The following PDE1A variants were observed in gnomAD, a reference collection of about 807,000 sequenced individuals.
The protein encoded by PDE1A is dual specificity calcium/calmodulin-dependent 3',5'-cyclic nucleotide phosphodiesterase 1A.
Under a neutral mutation model 61.7 loss-of-function variants are expected in PDE1A, and 35 were observed. The observed-to-expected ratio is 0.57, with a 90% CI of 0.43 to 0.75. PDE1A has a LOEUF of 0.75. PDE1A is among the 30% of genes least tolerant of loss of function. The probability of loss-of-function intolerance (pLI) is 0.00; values close to 1 mark genes in which losing one functional copy is unlikely to be tolerated. For synonymous variants in PDE1A, 232 were observed against 213.2 expected (o/e 1.09, Z -0.77); for missense variants, 597 against 630.6 (o/e 0.95, Z 0.57).
At chr2:182,700,019 T>C in the PDE1A span, among the ~76,000 whole-genome samples, 2 of 152,158 alleles carry the variant, frequency 1.3e-5, no homozygotes, top group African/African-American at 4.8e-5. Flanking sequence ...TGGAAAAAAA[T>C]GGACAAGACC....
the PDE1A span, among the ~76,000 whole-genome samples, chr2:182,560,437 C>T: frequency 6.6e-6 from 1 of 151,286 alleles, no homozygotes; most frequent in African/African-American, 2.4e-5. Flanking sequence ...TGTATATGTG[C>T]CACATTTTCT....
chr2:182,703,286 C>T, the PDE1A span, among the ~76,000 whole-genome samples: 3 of 152,274 alleles, frequency 2.0e-5, no homozygotes, highest in Non-Finnish European at 2.9e-5. Context: ...CCAGAAGAAA[C>T]AGGCCTATCT....
chr2:182,211,844 T>A (rs1048128350), intron 7 of PDE1A, among the ~76,000 whole-genome samples: 3 of 152,204 alleles, frequency 2.0e-5, no homozygotes, highest in Admixed American at 6.5e-5. Flanking sequence ...TTTTGTGTAT[T>A]AACCTTGTAT....
Position 182,290,343 on chromosome 2 carries a change from T to A in PDE1A, c.54-25929A>T, listed in dbSNP as rs575435571. ...AAAATAAAATAAAATAAGATAAATGTTTAGTAATATCCAAATCTTTTGGTG... is the reference window on the plus strand; with the variant it reads ...AAAATAAAATAAAATAAGATAAATGATTAGTAATATCCAAATCTTTTGGTG... On this transcript the variant is annotated intron_variant, in intron 1 of 13. Transcript: ENST00000351439. Among the ~76,000 whole-genome samples, 28 of 152,260 alleles carry A rather than the reference T, an allele frequency of 1.8e-4. No homozygotes were observed. In the South Asian group the frequency reaches 4.6e-3, roughly 25 times the overall value.
chr2:182,420,743 CG>C lies in PDE1A; in HGVS notation c.53+5834del, dbSNP rs1703225135. ...GAACTAATGCTTCTACATAACAAAA[CG>C]TAAGACTTCAGTGCAGCTGGCTTGG... On this transcript the variant is annotated intron_variant, in intron 1 of 13. Coordinates refer to ENST00000351439, the Ensembl canonical transcript of PDE1A. 3.9e-5 allele frequency among the ~76,000 whole-genome samples: 6 copies of C among 152,230 alleles called. No individual in the cohort carries two copies. The South Asian group carries it at 1.2e-3, about 32-fold the overall frequency.
intron 2 of PDE1A, among the ~76,000 whole-genome samples, chr2:182,258,185 AAAAAAAG>A (rs1418434631): frequency 1.3e-5 from 2 of 152,048 alleles, no homozygotes; most frequent in East Asian, 1.9e-4. Flanking sequence ...AAAAGAAAAG[AAAAAAAG>A]AAAAAAGAAA....
At chr2:182,251,133 T>A (rs1355547571) in intron 2 of PDE1A, among the ~76,000 whole-genome samples, 1 of 152,190 alleles carries the variant, frequency 6.6e-6, no homozygotes, top group Non-Finnish European at 1.5e-5. Context: ...CTCCACTGAT[T>A]AACAAATTTT....
chr2:182,392,407 A>G (rs1037456322), intron 1 of PDE1A, among the ~76,000 whole-genome samples: 1 of 152,108 alleles, frequency 6.6e-6, no homozygotes, highest in Non-Finnish European at 1.5e-5. Context: ...CCCTCCCACA[A>G]CACTTGGGAA....
At chr2:182,547,016 C>T in the PDE1A span, among the ~76,000 whole-genome samples, 3 of 152,140 alleles carry the variant, frequency 2.0e-5, no homozygotes, top group Non-Finnish European at 4.4e-5. Context: ...AAGAGGCACT[C>T]GCAGCTAACT....
intron 1 of PDE1A, among the ~76,000 whole-genome samples, chr2:182,355,209 G>T (rs750110224): frequency 1.1e-3 from 174 of 151,902 alleles, no homozygotes; most frequent in Non-Finnish European, 2.1e-3. Context: ...TATATCAATT[G>T]CTGAATTATA....
chr2:182,635,791 T>C, the PDE1A span, among the ~76,000 whole-genome samples: 1 of 151,788 alleles, frequency 6.6e-6, no homozygotes, highest in Admixed American at 6.6e-5. Context: ...TTTATTGAGG[T>C]ATAATTAACA....
chr2:182,639,792 C>T, the PDE1A span, among the ~76,000 whole-genome samples: 1 of 150,880 alleles, frequency 6.6e-6, no homozygotes. Context: ...GAGAATAAAA[C>T]AAATACAATG....
At chr2:182,611,571 T>C in the PDE1A span, among the ~76,000 whole-genome samples, 2,352 of 152,286 alleles carry the variant, frequency 0.015, 41 homozygotes, top group Non-Finnish European at 0.027. Context: ...CATAGACTCT[T>C]AGGAAAGTAT....
At chr2:182,396,520 C>A (rs956279246) in intron 1 of PDE1A, among the ~76,000 whole-genome samples, 1 of 152,190 alleles carries the variant, frequency 6.6e-6, no homozygotes, top group Admixed American at 6.5e-5. Flanking sequence ...GAAATGAGAA[C>A]TGTAATTGTC....
the PDE1A span, among the ~76,000 whole-genome samples, chr2:182,608,855 G>T: frequency 3.9e-5 from 6 of 152,380 alleles, no homozygotes; most frequent in African/African-American, 1.4e-4. Flanking sequence ...AGCCAGCTGG[G>T]CTCCTGAGTC....
At chr2:182,406,547 T>C (rs896609444) in intron 1 of PDE1A, among the ~76,000 whole-genome samples, 1 of 152,206 alleles carries the variant, frequency 6.6e-6, no homozygotes, top group Non-Finnish European at 1.5e-5. Flanking sequence ...TTTCCCACAA[T>C]CATCCAAGAA....
chr2:182,140,413 C>A (rs1441092659), exon 15 of PDE1A: 1 of 151,754 alleles, frequency 6.6e-6, no homozygotes, highest in Non-Finnish European at 1.5e-5. Context: ...CTTTGGGTTT[C>A]CCCCAATTTC....
At chr2:182,284,395 G>C (rs1203407593) in intron 1 of PDE1A, among the ~76,000 whole-genome samples, 3 of 152,162 alleles carry the variant, frequency 2.0e-5, no homozygotes, top group East Asian at 3.9e-4. Flanking sequence ...TAAGATGACT[G>C]ATAATTAAAA....
At chr2:182,682,579 C>CT in the PDE1A span, among the ~76,000 whole-genome samples, 1 of 152,106 alleles carries the variant, frequency 6.6e-6, no homozygotes, top group African/African-American at 2.4e-5. Context: ...AGTTCTAAGA[C>CT]TGGGAGGCTT....
Sources: gnomAD v4.1 joint callset for allele counts (sites outside exome capture counted in the v4.1 genomes callset) on GRCh38, gnomAD v4.1.1 for gene constraint, MANE v1.5 for transcripts, NCBI Gene and HGNC (gene_info 2026-07-23, HGNC 2026-07-21) for gene names.